Variants in ZUP1 observed in about 807,000 individuals in gnomAD.
ZUP1 encodes the protein zinc finger containing ubiquitin peptidase 1, also known as zinc finger-containing ubiquitin peptidase 1.
A neutral mutation model predicts 68.1 loss-of-function variants in ZUP1; 55 were observed. The ratio of observed to expected loss-of-function variants is 0.81; its 90% confidence interval spans 0.65 to 1.01. ZUP1 has a LOEUF of 1.01. ZUP1 is among the 50% of genes least tolerant of loss of function. ZUP1 has a pLI of 0.00. For synonymous variants in ZUP1, 223 were observed against 221.5 expected (o/e 1.01, Z -0.06); for missense variants, 684 against 674.9 (o/e 1.01, Z -0.15).
At chr6:116,640,903 A>G (rs536073429) in intron 9 of ZUP1, among the ~76,000 whole-genome samples, 4 of 149,444 alleles carry the variant, frequency 2.7e-5, no homozygotes, top group African/African-American at 9.9e-5. Flanking sequence ...CAAATTGGAT[A>G]AAGAGTCAAG....
chr6:116,637,933 A>G (rs1196133736), intron 9 of ZUP1, among the ~76,000 whole-genome samples: 2 of 152,106 alleles, frequency 1.3e-5, no homozygotes, highest in African/African-American at 4.8e-5. Context: ...GTGGTGGCAC[A>G]CGCCTGTAAT....
At chr6:116,664,599 T>C (rs1414263731) in intron 2 of ZUP1, among the ~76,000 whole-genome samples, 2 of 152,112 alleles carry the variant, frequency 1.3e-5, no homozygotes, top group East Asian at 1.9e-4. Context: ...TGAGAAGGTC[T>C]AAGTTGATGA....
At chr6:116,645,039 T>C (rs1776245994) in intron 9 of ZUP1, among the ~76,000 whole-genome samples, 2 of 152,046 alleles carry the variant, frequency 1.3e-5, no homozygotes, top group South Asian at 4.1e-4. Context: ...ATGTAGCCTA[T>C]CATAATTATT....
chr6:116,667,119 A>C lies in ZUP1; in HGVS notation c.74T>G (p.Met25Arg). The change falls in exon 2 of 10, where the codon ATG (methionine) becomes AGG (arginine). Residue 25 changes from methionine to arginine, a missense_variant. Transcript: ENST00000368576. ...AAATGGACATATAATTTCACTTTCC[A>C]TGTGAACAATTAGGTGAGCTTTCAT... ...PDMKAHLIVH[M>R]ESEIICPFCK... is the part of the protein sequence containing the mutation. 1 of 1,613,478 alleles carries C rather than the reference A, an allele frequency of 6.2e-7. No individual in the cohort carries two copies.
At chr6:116,638,669 A>C (rs947781278) in intron 9 of ZUP1, among the ~76,000 whole-genome samples, 25 of 152,322 alleles carry the variant, frequency 1.6e-4, no homozygotes, top group Middle Eastern at 3.4e-3. Flanking sequence ...ATTAAAAATT[A>C]AATATTATAA....
At chr6:116,658,720 G>T in intron 4 of ZUP1, 83 bp downstream of exon 4, 1 of 1,346,536 alleles carries the variant, frequency 7.4e-7, no homozygotes, top group Non-Finnish European at 9.9e-7. Flanking sequence ...ATAATAACAA[G>T]GACAAAAATA....
intron 2 of ZUP1, 137 bp downstream of exon 2, chr6:116,666,497 C>A (rs1243567604): frequency 1.7e-6 from 1 of 588,168 alleles, no homozygotes; most frequent in Admixed American, 3.7e-5. Context: ...TCAGTAACAG[C>A]AAATGAAAAA....
chr6:116,651,624 C>G lies in ZUP1; in HGVS notation c.1264G>C (p.Ala422Pro). The G allele has an allele frequency of 1.2e-6, 2 of 1,613,822 alleles. No homozygotes were observed. The highest frequency in any genetic ancestry group is 1.7e-6 in the Non-Finnish European group (2 of 1,179,810). ...TATACTTCACATGCTCCAATCCAGG[C>G]CTTTGTTCCCTGTAACCTGTTATTA... ...QLNNRLQGTK[A>P]WIGACEVYIL... The change falls in exon 7 of 10, where the codon GCC (alanine) becomes CCC (proline). Residue 422 changes from alanine (A) to proline (P), a missense_variant. Physicochemically the swap from Ala to Pro is conservative, Grantham distance 27. Transcript: ENST00000368576.
Position 116,666,920 on chromosome 6 carries a change from A to T in ZUP1, c.273T>A (p.Ile91=). ...GATGATTAGATGCACAACCTGAAAG[A>T]ATACTTGAATTAACTTCCATTCCAC... ...LQCGMEVNSS[I]LSGCASNHPK... The change falls in exon 2 of 10, where the codon ATT becomes ATA. Residue 91 remains isoleucine, a synonymous_variant. Transcript: ENST00000368576. The T allele has an allele frequency of 6.2e-7, 1 of 1,613,024 alleles. No homozygotes were observed. The highest frequency in any genetic ancestry group is 1.1e-5 in the South Asian group (1 of 90,688).
chr6:116,664,710 T>C (rs1031584143), intron 2 of ZUP1, among the ~76,000 whole-genome samples: 11 of 152,064 alleles, frequency 7.2e-5, no homozygotes, highest in African/African-American at 2.4e-4. Context: ...AAAAGTCACA[T>C]AGATAAATAC....
chr6:116,653,374 A>G (rs1776572960), intron 5 of ZUP1, among the ~76,000 whole-genome samples: 1 of 152,046 alleles, frequency 6.6e-6, no homozygotes, highest in Non-Finnish European at 1.5e-5. Flanking sequence ...ATGCCCCATA[A>G]CTTTCTCATA....
At chr6:116,646,144 C>T (rs552090847) in intron 8 of ZUP1, 5 of 396,688 alleles carry the variant, frequency 1.3e-5, no homozygotes, top group Non-Finnish European at 4.4e-6. Flanking sequence ...GGCTTCATTA[C>T]CAAAAAAAAC....
intron 4 of ZUP1, 103 bp from the exon 5 acceptor site, chr6:116,656,955 G>C (rs745642621): frequency 1.2e-5 from 9 of 753,722 alleles, no homozygotes; most frequent in African/African-American, 1.8e-5. Flanking sequence ...AAACATTCTG[G>C]TTTATAGACT....
At chr6:116,638,628 A>G (rs1233938682) in intron 9 of ZUP1, among the ~76,000 whole-genome samples, 1 of 152,240 alleles carries the variant, frequency 6.6e-6, no homozygotes, top group East Asian at 1.9e-4. Flanking sequence ...TTTTCTTACT[A>G]TATGTTTACA....
intron 7 of ZUP1, among the ~76,000 whole-genome samples, chr6:116,650,151 C>T (rs146740299): frequency 0.021 from 3,160 of 152,078 alleles, 130 homozygotes; most frequent in Admixed American, 0.12. Flanking sequence ...GGCCGGGCGC[C>T]GTGGCTCAAG....
At chr6:116,654,170 T>C (rs1419442915) in intron 5 of ZUP1, among the ~76,000 whole-genome samples, 2 of 151,938 alleles carry the variant, frequency 1.3e-5, no homozygotes, top group African/African-American at 4.8e-5. Flanking sequence ...ATCACACATC[T>C]GGAGGATGCT....
intron 4 of ZUP1, among the ~76,000 whole-genome samples, chr6:116,658,068 GGGCGAC>G (rs1392395580): frequency 6.6e-6 from 1 of 152,140 alleles, no homozygotes. Context: ...ATTCCAGCCT[GGGCGAC>G]AAGAGTGAAA....
At position 116,667,150 on chromosome 6, in the gene ZUP1, G is replaced by C. The variant is rs1300146083; in HGVS notation, c.43C>G (p.Pro15Ala). Reference protein sequence around the residue: ...NICGETVTSEPDMKAHLIVHM... With the variant: ...NICGETVTSEADMKAHLIVHM... ...ACAATTAGGTGAGCTTTCATGTCTG[G>C]TTCTGAGGTTACTGTTTCACCACAA... Residue 15 changes from proline (P) to alanine (A), a missense_variant, in exon 2 of 10, where the codon CCA becomes GCA. Transcript: ENST00000368576. 6.2e-7 allele frequency: 1 copy of C among 1,605,142 alleles called. No individual in the cohort carries two copies. Among genetic ancestry groups the C allele is most frequent in the Non-Finnish European group, 8.5e-7 (1 of 1,175,670 alleles).
intron 9 of ZUP1, among the ~76,000 whole-genome samples, chr6:116,641,119 A>C (rs1236210944): frequency 6.7e-6 from 1 of 149,326 alleles, no homozygotes; most frequent in Non-Finnish European, 1.5e-5. Context: ...TAAAGGGATC[A>C]ATTCAACAAG....
Sources: gnomAD v4.1 joint callset for allele counts (sites outside exome capture counted in the v4.1 genomes callset) on GRCh38, gnomAD v4.1.1 for gene constraint, MANE v1.5 for transcripts, NCBI Gene and HGNC (gene_info 2026-07-23, HGNC 2026-07-21) for gene names.